The following BCL9 variants were observed in gnomAD, a reference collection of about 807,000 sequenced individuals.
BCL9 encodes the protein BCL9 transcription coactivator, also known as B-cell CLL/lymphoma 9 protein.
Under a neutral mutation model 88.5 loss-of-function variants are expected in BCL9, and 25 were observed. That is an observed-to-expected ratio of 0.28 (90% CI 0.21 to 0.39). The LOEUF (loss-of-function observed/expected upper bound fraction) is 0.39, where lower values mean the gene tolerates loss of function less well. Among genes scored for constraint, BCL9 ranks in the 10% least tolerant of loss-of-function variants. BCL9 has a pLI of 1.00. For synonymous variants in BCL9, 711 were observed against 673.3 expected (o/e 1.06, Z -0.87); for missense variants, 1,817 against 1,877.8 (o/e 0.97, Z 0.60).
intron 1 of BCL9, among the ~76,000 whole-genome samples, chr1:147,557,169 TTGTAGTAATA>T (rs2101488348): frequency 6.6e-6 from 1 of 152,352 alleles, no homozygotes; most frequent in East Asian, 1.9e-4. Flanking sequence ...GAAGATGACT[TTGTAGTAATA>T]TGTAATTAAC....
At chr1:147,592,967 T>A (rs1353847961) in intron 1 of BCL9, among the ~76,000 whole-genome samples, 1 of 152,168 alleles carries the variant, frequency 6.6e-6, no homozygotes, top group Non-Finnish European at 1.5e-5. Flanking sequence ...AATCAGGTGG[T>A]TTCCACCCTG....
chr1:147,558,251 T>A (rs1463873770), intron 1 of BCL9, among the ~76,000 whole-genome samples: 1 of 152,180 alleles, frequency 6.6e-6, no homozygotes, highest in Non-Finnish European at 1.5e-5. Flanking sequence ...CAGATTAATC[T>A]GTCTCAAAAT....
intron 3 of BCL9, among the ~76,000 whole-genome samples, chr1:147,608,345 T>TTTTTTTTTTTC: frequency 6.7e-6 from 1 of 148,228 alleles, no homozygotes; most frequent in African/African-American, 2.5e-5. Flanking sequence ...TTTTTTTTTT[T>TTTTTTTTTTTC]TTTTTAGCAC....
intron 1 of BCL9, among the ~76,000 whole-genome samples, chr1:147,544,836 T>TTC (rs149290166): frequency 2.0e-5 from 3 of 150,940 alleles, no homozygotes; most frequent in African/African-American, 4.9e-5. Flanking sequence ...AGAATGTTTT[T>TTC]TCTCTCTCTC....
chr1:147,611,855 A>C lies in BCL9; in HGVS notation c.19A>C (p.Lys7Gln). MHSSNP[K>Q]VRSSPSGNTQ... The stretch of plus-strand genomic sequence containing the variant: ...TCAATCAATGCATTCCAGTAACCCT[A>C]AAGTGAGGAGCTCTCCATCAGGAAA... The change falls in exon 4 of 10, where the codon AAA becomes CAA. Residue 7 changes from lysine (K) to glutamine (Q), a missense_variant. By Grantham distance (53) the Lys-to-Gln change is moderately conservative (BLOSUM62 1). This residue lies in a region of BCL9 where 1,228 missense variants were observed against 1,191.6 expected (regional missense o/e 1.03). Coordinates refer to ENST00000234739, the MANE Select transcript of BCL9 (RefSeq NM_004326.4). 6.2e-7 allele frequency: 1 copy of C among 1,614,174 alleles called. No individual in the cohort carries two copies. The highest frequency in any genetic ancestry group is 8.5e-7 in the Non-Finnish European group (1 of 1,180,016).
intron 1 of BCL9, among the ~76,000 whole-genome samples, chr1:147,589,286 C>T (rs1024583989): frequency 5.9e-5 from 9 of 152,194 alleles, no homozygotes; most frequent in African/African-American, 9.7e-5. Context: ...TTCTAAAACT[C>T]GACCTCTTTT....
Position 147,620,344 on chromosome 1 carries a change from C to G in BCL9, c.2189C>G (p.Ser730Cys), listed in dbSNP as rs1553204998. 1.7e-5 allele frequency: 28 copies of G among 1,614,190 alleles called. No individual in the cohort carries two copies. Among genetic ancestry groups the G allele is most frequent in the Non-Finnish European group, 2.4e-5 (28 of 1,180,024 alleles). Residue 730 changes from serine (S) to cysteine (C), a missense_variant, in exon 8 of 10, where the codon TCT (serine) becomes TGT (cysteine). This residue lies in a region of BCL9 where 1,228 missense variants were observed against 1,191.6 expected (regional missense o/e 1.03). Coordinates refer to ENST00000234739, the MANE Select transcript of BCL9 (RefSeq NM_004326.4). The part of the protein sequence containing the change: ...VNLNVNMGSN[S>C]QMIPQKMREA... ...CTAAATGTCAACATGGGATCCAACT[C>G]TCAGATGATACCTCAGAAGATGAGA...
intron 1 of BCL9, among the ~76,000 whole-genome samples, chr1:147,549,136 C>T (rs1654768554): frequency 6.6e-6 from 1 of 151,828 alleles, no homozygotes; most frequent in Admixed American, 6.6e-5. Context: ...ACCATGACAC[C>T]CAGCTAATTT....
At chr1:147,578,392 T>G (rs1457169010) in intron 1 of BCL9, among the ~76,000 whole-genome samples, 2 of 152,164 alleles carry the variant, frequency 1.3e-5, no homozygotes, top group Non-Finnish European at 2.9e-5. Flanking sequence ...AGCAGTTTAT[T>G]CAGCATCCTC....
At chr1:147,609,771 G>A (rs1553202398) in intron 3 of BCL9, among the ~76,000 whole-genome samples, 1 of 152,222 alleles carries the variant, frequency 6.6e-6, no homozygotes, top group Non-Finnish European at 1.5e-5. Context: ...TCTGTTATGG[G>A]AGAACTTGAA....
In BCL9 at chr1:147,564,479, T is replaced by C. The variant is rs111941274; in HGVS notation, c.-478+22805T>C. On this transcript the variant is annotated intron_variant, in intron 1 of 9. Transcript: ENST00000234739. ...ACTGGAAAAATAAAGTCTGAAGTGA[T>C]TGGTTCAAATTACAGCTTTATTATG... 3.0e-3 allele frequency among the ~76,000 whole-genome samples: 458 copies of C among 152,242 alleles called. 2 individuals are homozygous for C. The highest frequency in any genetic ancestry group is 0.011 in the African/African-American group (441 of 41,534).
At position 147,619,064 on chromosome 1, in the gene BCL9, T is replaced by C. The variant is rs782602177; in HGVS notation, c.909T>C (p.Thr303=). Residue 303 remains threonine (T), a synonymous_variant, in exon 8 of 10, where the codon ACT becomes ACC. Transcript: ENST00000234739. This position sits in a 1 kb window ranked among gnomAD's most constrained non-coding sequence, Gnocchi z 4.1. The part of the protein sequence containing the change: ...ASSTPLPPDG[T]GPNSTPNNRA... ...CCACTCCACTGCCCCCAGATGGTAC[T>C]GGGCCCAACTCAACTCCCAACAATA... 2 of 1,613,110 alleles carry C rather than the reference T, an allele frequency of 1.2e-6. No homozygotes were observed. Among genetic ancestry groups the C allele is most frequent in the Admixed American group, 1.7e-5 (1 of 59,926 alleles).
At chr1:147,560,555 C>T (rs1428979438) in intron 1 of BCL9, among the ~76,000 whole-genome samples, 2 of 149,554 alleles carry the variant, frequency 1.3e-5, no homozygotes, top group Non-Finnish European at 3.0e-5. Context: ...TGCAGTGAGC[C>T]GAGATCGCAC....
intron 1 of BCL9, among the ~76,000 whole-genome samples, chr1:147,587,912 A>G (rs1656689458): frequency 6.6e-6 from 1 of 152,210 alleles, no homozygotes; most frequent in African/African-American, 2.4e-5. Context: ...ATGATTTAAG[A>G]CACATAAAAT....
chr1:147,602,916 G>A (rs1190424780), intron 1 of BCL9, among the ~76,000 whole-genome samples: 5 of 152,302 alleles, frequency 3.3e-5, no homozygotes, highest in East Asian at 1.9e-4. Flanking sequence ...CAGGAAGTTC[G>A]TTCTCCCATT....
At chr1:147,585,481 G>A (rs1656561786) in intron 1 of BCL9, among the ~76,000 whole-genome samples, 1 of 152,070 alleles carries the variant, frequency 6.6e-6, no homozygotes, top group Non-Finnish European at 1.5e-5. Context: ...GGGAGGGGAT[G>A]ATAAAGTAAT....
At chr1:147,560,606 T>TAAA (rs781932914) in intron 1 of BCL9, among the ~76,000 whole-genome samples, 2 of 141,624 alleles carry the variant, frequency 1.4e-5, no homozygotes. Flanking sequence ...AGACTTCATC[T>TAAA]AAAAAAAAAA....
At chr1:147,578,577 G>A (rs1200854308) in intron 1 of BCL9, among the ~76,000 whole-genome samples, 1 of 152,104 alleles carries the variant, frequency 6.6e-6, no homozygotes, top group Non-Finnish European at 1.5e-5. Context: ...TTTGGAGAAG[G>A]GATACTCAAT....
rs189581138 is a variant in BCL9 at position 147,620,082 on chromosome 1, C to A, written c.1927C>A (p.Leu643Ile). The change falls in exon 8 of 10, where the codon CTC becomes ATC. Residue 643 changes from leucine (L) to isoleucine (I), a missense_variant. This residue lies in a region of BCL9 where 1,228 missense variants were observed against 1,191.6 expected (regional missense o/e 1.03). Coordinates refer to ENST00000234739, the MANE Select transcript of BCL9 (RefSeq NM_004326.4). ...GCAGCTGGCAGAGAAACAGCTGGGT[C>A]TCCCCCCAGGGATGGCCATGGAAGG... ...QQQLAEKQLG[L>I]PPGMAMEGIR... The A allele has an allele frequency of 3.7e-6, 6 of 1,614,172 alleles. No individual in the cohort carries two copies. Among genetic ancestry groups the A allele is most frequent in the Middle Eastern group, 1.6e-4 (1 of 6,062 alleles).
Sources: allele counts gnomAD v4.1 joint callset (sites outside exome capture counted in the v4.1 genomes callset), GRCh38; gene constraint gnomAD v4.1.1; regional missense constraint gnomAD v4.1.1; non-coding constraint Gnocchi (gnomAD v3.1); transcripts MANE v1.5; gene names NCBI Gene and HGNC (gene_info 2026-07-23, HGNC 2026-07-21).